The following MAN1C1 variants were observed in gnomAD, a reference collection of about 807,000 sequenced individuals.
MAN1C1 encodes mannosidase alpha class 1C member 1, also known as mannosyl-oligosaccharide 1,2-alpha-mannosidase IC.
Under a neutral mutation model 71.5 loss-of-function variants are expected in MAN1C1, and 49 were observed. That is an observed-to-expected ratio of 0.69 (90% CI 0.54 to 0.87). The LOEUF (loss-of-function observed/expected upper bound fraction) is 0.87. Among genes scored for constraint, MAN1C1 ranks in the 40% least tolerant of loss-of-function variants. MAN1C1 has a pLI of 0.00. For missense variants in MAN1C1, 743 were observed against 835.0 expected, an observed-to-expected ratio of 0.89 and a Z score of 1.36; for synonymous variants, 352 against 343.7, an observed-to-expected ratio of 1.02 and a Z score of -0.27.
chr1:25,741,989 G>A (rs891837238), intron 2 of MAN1C1, among the ~76,000 whole-genome samples: 2 of 152,200 alleles, frequency 1.3e-5, no homozygotes, highest in Non-Finnish European at 2.9e-5. Flanking sequence ...ACCTCAAGGG[G>A]CTCACAGTCT....
chr1:25,703,581 T>G (rs1294106133), intron 2 of MAN1C1, among the ~76,000 whole-genome samples: 2 of 152,152 alleles, frequency 1.3e-5, no homozygotes, highest in Admixed American at 1.3e-4. Flanking sequence ...CTCAGGAGGC[T>G]GAGGCAAGAG....
rs1433240304 is a variant in MAN1C1, at chr1:25,746,388, A to T, written c.638-280A>T. 2.6e-5 allele frequency among the ~76,000 whole-genome samples: 4 copies of T among 152,244 alleles called. No homozygotes were observed. Among genetic ancestry groups the T allele is most frequent in the African/African-American group, 9.6e-5 (4 of 41,470 alleles). On this transcript the variant is annotated intron_variant, in intron 2 of 11. Transcript: ENST00000374332. The surrounding 1 kb of genome is among the most constrained non-coding windows in gnomAD (Gnocchi z 4.0). ...GGCACTGATAGTTGACCCGCTGACCAACAGAAGAGTGGACCGAGTCTGGGA... is the reference window on the plus strand; with the variant it reads ...GGCACTGATAGTTGACCCGCTGACCTACAGAAGAGTGGACCGAGTCTGGGA...
At chr1:25,702,280 C>A (rs1031984184) in intron 2 of MAN1C1, among the ~76,000 whole-genome samples, 1 of 152,152 alleles carries the variant, frequency 6.6e-6, no homozygotes, top group Non-Finnish European at 1.5e-5. Context: ...GGGCCCACAT[C>A]GCCCCTGGCA....
In MAN1C1 at chr1:25,778,283, C is replaced by A. The variant is rs145495387; in HGVS notation, c.1436C>A (p.Ala479Asp). Reference protein sequence around the residue: ...EKRAHYRELAAQITKTCHESY... With the variant: ...EKRAHYRELADQITKTCHESY... ...AGGGCCCACTACCGAGAGCTCGCAG[C>A]CCAGATCACCAAGACGTGTCACGAG... Residue 479 changes from alanine to aspartate, a missense_variant, in exon 9 of 12, where the codon GCC (alanine) becomes GAC (aspartate). Coordinates refer to ENST00000374332, the MANE Select transcript of MAN1C1 (RefSeq NM_020379.4). This position sits in a 1 kb window ranked among gnomAD's most constrained non-coding sequence, Gnocchi z 5.5. The A allele has an allele frequency of 1.9e-5, 31 of 1,613,712 alleles. No individual in the cohort carries two copies. In the African/African-American group the frequency reaches 3.7e-4, roughly 19 times the overall value.
At chr1:25,632,385 ATCT>A (rs1405268432) in intron 1 of MAN1C1, among the ~76,000 whole-genome samples, 2 of 151,736 alleles carry the variant, frequency 1.3e-5, no homozygotes, top group African/African-American at 2.4e-5. Flanking sequence ...GCTTAGTTGA[ATCT>A]TCTTTTTTTC....
intron 1 of MAN1C1, among the ~76,000 whole-genome samples, chr1:25,636,194 G>A (rs1364448296): frequency 6.6e-6 from 1 of 152,192 alleles, no homozygotes; most frequent in Non-Finnish European, 1.5e-5. Flanking sequence ...AGCTGTGCAC[G>A]TATTGTCTTG....
intron 1 of MAN1C1, among the ~76,000 whole-genome samples, chr1:25,686,100 T>G (rs1402101649): frequency 6.6e-6 from 1 of 152,242 alleles, no homozygotes; most frequent in Non-Finnish European, 1.5e-5. Flanking sequence ...CTTCGGAGGA[T>G]GACTTTAAGC....
intron 2 of MAN1C1, among the ~76,000 whole-genome samples, chr1:25,695,174 A>G (rs2046354533): frequency 5.9e-5 from 9 of 152,246 alleles, no homozygotes; most frequent in Admixed American, 5.9e-4. Context: ...CGCGGTGCAC[A>G]TTCCTGACCC....
Position 25,644,511 on chromosome 1 carries a change from TATATA to T in MAN1C1, c.540+26175_540+26179del, listed in dbSNP as rs1484138217. 37 of 99,676 alleles carry T rather than the reference TATATA, an allele frequency of 3.7e-4. 1 individual carries two copies. The highest frequency in any genetic ancestry group is 2.2e-3 in the African/African-American group (35 of 15,984). The allele number at this position is 99,676 out of a possible 1,614,324, so 6.2% of individuals were successfully genotyped here. On this transcript the variant is annotated intron_variant, in intron 1 of 11. Coordinates refer to ENST00000374332, the MANE Select transcript of MAN1C1 (RefSeq NM_020379.4). ...GGTACCAGAGACATATATATATATATATATATATTTTTTTTTTTTTTTTTTTTTTT... is the reference window on the plus strand; with the variant it reads ...GGTACCAGAGACATATATATATATATTATTTTTTTTTTTTTTTTTTTTTTT...
chr1:25,647,997 A>G (rs899015260), intron 1 of MAN1C1, among the ~76,000 whole-genome samples: 3 of 152,188 alleles, frequency 2.0e-5, no homozygotes, highest in Non-Finnish European at 2.9e-5. Flanking sequence ...CCAGGCCACC[A>G]TGAGCCCACA....
chr1:25,633,645 C>CGAG (rs1385585644), intron 1 of MAN1C1, among the ~76,000 whole-genome samples: 1 of 151,284 alleles, frequency 6.6e-6, no homozygotes, highest in Non-Finnish European at 1.5e-5. Context: ...TTTTCCACCC[C>CGAG]TTTACTTTGA....
chr1:25,678,520 G>A (rs1478040229), intron 1 of MAN1C1, among the ~76,000 whole-genome samples: 1 of 152,176 alleles, frequency 6.6e-6, no homozygotes, highest in African/African-American at 2.4e-5. Context: ...AAAACATGCT[G>A]TCTGGCTGTA....
intron 5 of MAN1C1, among the ~76,000 whole-genome samples, chr1:25,754,879 G>A (rs747560683): frequency 6.6e-6 from 1 of 152,212 alleles, no homozygotes; most frequent in South Asian, 2.1e-4. Context: ...TGCCGTGTGC[G>A]CATGTACATT....
intron 1 of MAN1C1, among the ~76,000 whole-genome samples, chr1:25,625,721 T>C (rs953540661): frequency 6.6e-6 from 1 of 152,066 alleles, no homozygotes; most frequent in Non-Finnish European, 1.5e-5. Flanking sequence ...CTCAGGAGGC[T>C]GAGGTGGGTG....
At chr1:25,625,698 G>T (rs1394954145) in intron 1 of MAN1C1, among the ~76,000 whole-genome samples, 1 of 152,146 alleles carries the variant, frequency 6.6e-6, no homozygotes, top group East Asian at 1.9e-4. Flanking sequence ...GTGTACACCT[G>T]TGTTCCCAGC....
At chr1:25,767,908 AT>A (rs2047467326) in intron 7 of MAN1C1, among the ~76,000 whole-genome samples, 1 of 86,772 alleles carries the variant, frequency 1.2e-5, no homozygotes, top group African/African-American at 5.6e-5. Context: ...ATACACACAC[AT>A]TACACACTCC....
At chr1:25,738,437 A>G (rs1261549243) in intron 2 of MAN1C1, among the ~76,000 whole-genome samples, 1 of 152,220 alleles carries the variant, frequency 6.6e-6, no homozygotes, top group African/African-American at 2.4e-5. Context: ...TAAAAAACCC[A>G]TGTGGCAAAA....
chr1:25,748,462 G>T (rs1021522564), intron 3 of MAN1C1, among the ~76,000 whole-genome samples: 1 of 152,216 alleles, frequency 6.6e-6, no homozygotes, highest in African/African-American at 2.4e-5. Context: ...CTGGCTGTGG[G>T]CAGGCCTCTC....
In MAN1C1 at chr1:25,764,220, C is replaced by T. The variant is rs1414763646; in HGVS notation, c.1141+253C>T. The stretch of plus-strand genomic sequence containing the variant: ...GAAGGCCTGCCCTGTGCGTTCCAAA[C>T]CCTACCTTCTCTGGCCCCATCAATG... On this transcript the variant is annotated intron_variant, in intron 7 of 11. Coordinates refer to ENST00000374332, the MANE Select transcript of MAN1C1 (RefSeq NM_020379.4). The surrounding 1 kb of genome is among the most constrained non-coding windows in gnomAD (Gnocchi z 4.4). 2.0e-5 allele frequency among the ~76,000 whole-genome samples: 3 copies of T among 152,270 alleles called. No individual in the cohort carries two copies. The highest frequency in any genetic ancestry group is 7.2e-5 in the African/African-American group (3 of 41,552).
Sources: gnomAD v4.1 joint callset for allele counts (sites outside exome capture counted in the v4.1 genomes callset) on GRCh38, gnomAD v4.1.1 for gene constraint, Gnocchi (gnomAD v3.1) non-coding constraint, MANE v1.5 for transcripts, NCBI Gene and HGNC (gene_info 2026-07-23, HGNC 2026-07-21) for gene names.